ADAMTS18: variants seen among roughly 807,000 people sequenced by gnomAD.
The protein encoded by ADAMTS18 is A disintegrin and metalloproteinase with thrombospondin motifs 18.
In ADAMTS18, 157 loss-of-function variants were observed where a neutral mutation model predicts 165.9. That is an observed-to-expected ratio of 0.95 (90% CI 0.83 to 1.08). The LOEUF is 1.08. Ranked by LOEUF, ADAMTS18 falls within the 50% of genes least tolerant of loss-of-function variation. The pLI is 0.00. For synonymous variants in ADAMTS18, 782 were observed against 578.2 expected, an observed-to-expected ratio of 1.35 and a Z score of -5.06; for missense variants, 2,040 against 1,534.0, an observed-to-expected ratio of 1.33 and a Z score of -5.51.
intron 16 of ADAMTS18, among the ~76,000 whole-genome samples, chr16:77,312,596 A>C (rs2055804097): frequency 6.6e-6 from 1 of 152,218 alleles, no homozygotes; most frequent in Non-Finnish European, 1.5e-5. Context: ...AAAATCTTAA[A>C]GTTTACTTTT....
intron 12 of ADAMTS18, among the ~76,000 whole-genome samples, chr16:77,334,794 ACT>A (rs2056275234): frequency 9.1e-5 from 2 of 22,068 alleles, no homozygotes; most frequent in East Asian, 2.5e-3. Context: ...CAGTAAATAT[ACT>A]ATATACTATA....
intron 10 of ADAMTS18, 120 bp from the exon 11 acceptor site, chr16:77,341,919 A>G: frequency 2.5e-6 from 2 of 804,906 alleles, no homozygotes; most frequent in South Asian, 3.2e-5. Flanking sequence ...AATTATTCAG[A>G]AAGTAGAGGC....
intron 20 of ADAMTS18, 63 bp downstream of exon 20, chr16:77,293,013 G>T (rs763001439): frequency 2.5e-6 from 4 of 1,602,640 alleles, no homozygotes; most frequent in South Asian, 1.1e-5. Flanking sequence ...TAGAGACAGG[G>T]TTTCACTGTG....
Position 77,293,351 on chromosome 16 carries a change from A to C in ADAMTS18, c.3007-93T>G. The C allele has an allele frequency of 2.6e-6, 3 of 1,142,614 alleles. No homozygotes were observed. The South Asian group carries it at 3.9e-5, about 15-fold the overall frequency. The allele number at this position is 1,142,614 out of a possible 1,614,324, so 70.8% of individuals were successfully genotyped here. On this transcript the variant is annotated intron_variant, in intron 19 of 22. Transcript: ENST00000282849. ...CAACACACTAAATATATTCCTGTGA[A>C]AGGTGGGATAAACTCCATGAACTAA...
intron 3 of ADAMTS18, among the ~76,000 whole-genome samples, chr16:77,393,393 G>A (rs983986134): frequency 1.9e-4 from 29 of 152,170 alleles, no homozygotes; most frequent in Admixed American, 1.3e-4. Flanking sequence ...ACACATGAAC[G>A]AATGGACAGG....
intron 3 of ADAMTS18, among the ~76,000 whole-genome samples, chr16:77,422,288 G>T (rs188733486): frequency 6.6e-6 from 1 of 151,984 alleles, no homozygotes; most frequent in South Asian, 2.1e-4. Flanking sequence ...ATTATATAGG[G>T]TCCACCTGTG....
chr16:77,285,329 C>A (rs889755299), intron 22 of ADAMTS18, among the ~76,000 whole-genome samples: 1 of 152,118 alleles, frequency 6.6e-6, no homozygotes, highest in Non-Finnish European at 1.5e-5. Context: ...CCCACCACCA[C>A]GCCCAGTTAA....
chr16:77,301,278 G>GA (rs34732324), intron 16 of ADAMTS18, among the ~76,000 whole-genome samples: 39,407 of 143,320 alleles, frequency 0.27, 5,190 homozygotes, highest in Admixed American at 0.39. Context: ...TATTTTCATT[G>GA]AAAAAAAAAA....
chr16:77,294,960 G>C lies in ADAMTS18; in HGVS notation c.2969C>G (p.Ala990Gly). The C allele has an allele frequency of 6.2e-7, 1 of 1,614,142 alleles. No homozygotes were observed. Among genetic ancestry groups the C allele is most frequent in the Non-Finnish European group, 8.5e-7 (1 of 1,180,024 alleles). The change falls in exon 19 of 23, where the codon GCC becomes GGC. Residue 990 changes from alanine (A) to glycine (G), a missense_variant. Transcript: ENST00000282849. ...TCCAAGGCTCCATTGTGGAGGGCAG[G>C]CATGGCTGTTGCAGGCTTGGACCTG... ...PTQVQACNSHACPPQWSLGPW... is the reference protein window; with the variant it reads ...PTQVQACNSHGCPPQWSLGPW...
intron 12 of ADAMTS18, among the ~76,000 whole-genome samples, chr16:77,334,106 A>ACAG (rs1202356893): frequency 1.9e-3 from 181 of 97,758 alleles, no homozygotes; most frequent in African/African-American, 3.0e-3. Flanking sequence ...TATATAATAT[A>ACAG]TAGTGTTATA....
chr16:77,333,083 T>A (rs934170607), intron 12 of ADAMTS18, among the ~76,000 whole-genome samples: 1 of 152,176 alleles, frequency 6.6e-6, no homozygotes, highest in Non-Finnish European at 1.5e-5. Context: ...TATATGACTG[T>A]AGAACCCTAG....
chr16:77,377,077 A>G (rs1191269639), intron 3 of ADAMTS18, among the ~76,000 whole-genome samples: 1 of 152,114 alleles, frequency 6.6e-6, no homozygotes, highest in Non-Finnish European at 1.5e-5. Flanking sequence ...AGCCTCCCAA[A>G]GATCTGGGAT....
intron 3 of ADAMTS18, among the ~76,000 whole-genome samples, chr16:77,414,847 T>C (rs1375497538): frequency 6.6e-6 from 1 of 152,130 alleles, no homozygotes; most frequent in East Asian, 1.9e-4. Context: ...TCCAAACAAA[T>C]AAAAGAAATC....
At chr16:77,292,470 C>T (rs1460830163) in intron 20 of ADAMTS18, among the ~76,000 whole-genome samples, 7 of 152,170 alleles carry the variant, frequency 4.6e-5, no homozygotes, top group East Asian at 1.9e-4. Flanking sequence ...CCCCAAATCC[C>T]CTTTTGCTTT....
chr16:77,407,641 C>T (rs1332838550), intron 3 of ADAMTS18, among the ~76,000 whole-genome samples: 2 of 152,008 alleles, frequency 1.3e-5, no homozygotes, highest in Admixed American at 6.6e-5. Context: ...AACAAACCAA[C>T]ACATACACAA....
intron 22 of ADAMTS18, among the ~76,000 whole-genome samples, chr16:77,288,596 C>T (rs1322093655): frequency 6.6e-6 from 1 of 152,014 alleles, no homozygotes; most frequent in African/African-American, 2.4e-5. Context: ...AGTCCTAGGG[C>T]AATACATATT....
rs190804673 is a variant in ADAMTS18 at position 77,388,560 on chromosome 16, G to C, written c.496-20837C>G. Among the ~76,000 whole-genome samples the C allele has an allele frequency of 1.3e-3, 197 of 152,294 alleles. 1 individual carries two copies. The highest frequency in any genetic ancestry group is 4.4e-3 in the African/African-American group (181 of 41,568). ...GAACTTGGATGAGTTACTGATTTTT[G>C]TGCCTCAGTTTATTGAACACAGAAT... On this transcript the variant is annotated intron_variant, in intron 3 of 22. Coordinates refer to ENST00000282849, the MANE Select transcript of ADAMTS18 (RefSeq NM_199355.4).
At chr16:77,421,887 A>G (rs951332038) in intron 3 of ADAMTS18, among the ~76,000 whole-genome samples, 1 of 152,236 alleles carries the variant, frequency 6.6e-6, no homozygotes, top group African/African-American at 2.4e-5. Context: ...ATAAATATGC[A>G]GTAATTAAAA....
intron 10 of ADAMTS18, among the ~76,000 whole-genome samples, chr16:77,343,246 G>A (rs895744743): frequency 6.6e-6 from 1 of 152,022 alleles, no homozygotes; most frequent in African/African-American, 2.4e-5. Context: ...GCCACTTTTT[G>A]TATTTTTAGT....
Sources: allele counts gnomAD v4.1 joint callset (sites outside exome capture counted in the v4.1 genomes callset), GRCh38; gene constraint gnomAD v4.1.1; transcripts MANE v1.5; gene names NCBI Gene and HGNC (gene_info 2026-07-23, HGNC 2026-07-21).